The following ADGRA3 variants were observed in gnomAD, a reference collection of about 807,000 sequenced individuals.
ADGRA3 encodes adhesion G protein-coupled receptor A3, also known as G-protein coupled receptor 125.
ADGRA3 carries 56 observed loss-of-function variants against 119.8 expected under a neutral mutation model. That is an observed-to-expected ratio of 0.47 (90% CI 0.38 to 0.58). ADGRA3 has a LOEUF of 0.58. ADGRA3 is among the 20% of genes least tolerant of loss of function. The probability of loss-of-function intolerance (pLI) is 0.00; values close to 1 mark genes in which losing one functional copy is unlikely to be tolerated. For missense variants in ADGRA3, 1,516 were observed against 1,649.0 expected, an observed-to-expected ratio of 0.92 and a Z score of 1.40; for synonymous variants, 607 against 623.8, an observed-to-expected ratio of 0.97 and a Z score of 0.40.
intron 1 of ADGRA3, among the ~76,000 whole-genome samples, chr4:22,514,087 A>C (rs552593647): frequency 2.0e-5 from 3 of 152,170 alleles, no homozygotes; most frequent in Non-Finnish European, 4.4e-5. Flanking sequence ...CCTAAACATG[A>C]GTCAACGTAA....
chr4:22,484,801 G>A (rs536098914), intron 1 of ADGRA3, among the ~76,000 whole-genome samples: 35 of 151,956 alleles, frequency 2.3e-4, no homozygotes, highest in Non-Finnish European at 3.7e-4. Flanking sequence ...TGGCTCCCTC[G>A]CTGAAAAGTT....
At chr4:22,421,713 T>C (rs927997460) in intron 11 of ADGRA3, among the ~76,000 whole-genome samples, 23 of 151,832 alleles carry the variant, frequency 1.5e-4, no homozygotes, top group African/African-American at 5.3e-4. Context: ...GCTCCATCTC[T>C]ACTAAAAATA....
chr4:22,387,745 T>C lies in ADGRA3; in HGVS notation c.3926A>G (p.Asn1309Ser), dbSNP rs144907660. ...GPLLGTDSTG[N>S]VRTGLWKHET... ...GTGTTTCCATAATCCAGTCCTAACA[T>C]TGCCAGTGCTATCGGTACCGAGCAA... is the stretch of plus-strand genomic sequence containing the variant. Residue 1309 changes from asparagine (N) to serine (S), a missense_variant, in exon 19 of 19, where the codon AAT (asparagine) becomes AGT (serine). Transcript: ENST00000334304. 20 of 1,613,374 alleles carry C rather than the reference T, an allele frequency of 1.2e-5. No homozygotes were observed. The highest frequency in any genetic ancestry group is 5.3e-5 in the African/African-American group (4 of 74,906).
chr4:22,492,401 T>C lies in ADGRA3; in HGVS notation c.258-18558A>G, dbSNP rs192164945. Among the ~76,000 whole-genome samples, 32 of 152,328 alleles carry C rather than the reference T, an allele frequency of 2.1e-4. No homozygotes were observed. The East Asian group carries it at 5.6e-3, about 27-fold the overall frequency. On this transcript the variant is annotated intron_variant, in intron 1 of 18. Transcript: ENST00000334304. ...ACCGTTTTCCTTCAATAACCCAATA[T>C]ACATAGATATTGGATATTTTTCATT... is the stretch of plus-strand genomic sequence containing the variant.
chr4:22,455,073 G>A (rs529075816), intron 3 of ADGRA3, 136 bp from the exon 4 acceptor site: 10 of 646,916 alleles, frequency 1.5e-5, no homozygotes, highest in African/African-American at 9.1e-5. Context: ...TTTACTGTAC[G>A]CAAATGAGAT....
chr4:22,451,973 G>A (rs1475545515), intron 4 of ADGRA3, among the ~76,000 whole-genome samples: 1 of 152,086 alleles, frequency 6.6e-6, no homozygotes, highest in East Asian at 1.9e-4. Flanking sequence ...TTCACAACTG[G>A]CATATGGCCT....
In ADGRA3 at chr4:22,516,033, C is replaced by A; in HGVS notation, c.-249G>T. 6.3e-6 allele frequency: 1 copy of A among 158,540 alleles called. No homozygotes were observed. Among genetic ancestry groups the A allele is most frequent in the Non-Finnish European group, 1.4e-5 (1 of 73,512 alleles). The allele number at this position is 158,540 out of a possible 1,614,324, so 9.8% of individuals were successfully genotyped here. Reference sequence around the variant, plus strand: ...TACCGCCCGGCGCGAGCACCGCCTCCTCCTCCTCCTCTGCCGCCGCCGCCG... The same window carrying A: ...TACCGCCCGGCGCGAGCACCGCCTCATCCTCCTCCTCTGCCGCCGCCGCCG... On this transcript the variant is annotated 5_prime_UTR_variant, in exon 1 of 19. The change creates a new upstream start codon in the 5' untranslated region. Transcript: ENST00000334304.
intron 10 of ADGRA3, among the ~76,000 whole-genome samples, chr4:22,431,368 T>C (rs944130242): frequency 3.7e-5 from 4 of 107,236 alleles, no homozygotes; most frequent in Non-Finnish European, 8.6e-5. Flanking sequence ...TGAAAGCACC[T>C]GGGAGGGAGC....
intron 16 of ADGRA3, chr4:22,398,045 C>G: frequency 4.1e-6 from 4 of 982,664 alleles, no homozygotes; most frequent in Non-Finnish European, 4.8e-6. Context: ...ACTGAGAACA[C>G]AGAGGAGCTA....
At chr4:22,454,712 C>T (rs1407118502) in intron 4 of ADGRA3, among the ~76,000 whole-genome samples, 154 bp downstream of exon 4, 6 of 152,060 alleles carry the variant, frequency 3.9e-5, no homozygotes, top group African/African-American at 9.7e-5. Flanking sequence ...GAGGAGATTA[C>T]ATCCCCATGA....
intron 1 of ADGRA3, among the ~76,000 whole-genome samples, chr4:22,488,590 T>C (rs912330457): frequency 6.7e-6 from 1 of 148,252 alleles, no homozygotes; most frequent in Non-Finnish European, 1.5e-5. Context: ...GAGAAAAGCA[T>C]GGCTACTTCG....
chr4:22,493,421 C>T (rs985866028), intron 1 of ADGRA3, among the ~76,000 whole-genome samples: 16 of 152,254 alleles, frequency 1.1e-4, no homozygotes, highest in African/African-American at 3.4e-4. Flanking sequence ...TTGAGTGTGT[C>T]CCTTGCAACA....
chr4:22,441,815 C>G (rs530704924), intron 7 of ADGRA3, among the ~76,000 whole-genome samples: 2 of 152,162 alleles, frequency 1.3e-5, no homozygotes, highest in South Asian at 2.1e-4. Context: ...AAATATGCTT[C>G]TAGTAGACAT....
intron 1 of ADGRA3, among the ~76,000 whole-genome samples, chr4:22,501,671 G>A (rs1164063475): frequency 6.6e-6 from 1 of 151,260 alleles, no homozygotes; most frequent in Admixed American, 6.6e-5. Context: ...CTAAGACTTA[G>A]TATAAAAGGT....
chr4:22,390,193 T>C (rs563329197), intron 17 of ADGRA3, among the ~76,000 whole-genome samples: 1 of 151,594 alleles, frequency 6.6e-6, no homozygotes, highest in African/African-American at 2.4e-5. Context: ...CCAAAATTAA[T>C]CTTGGGTCCT....
At chr4:22,505,214 G>C (rs1400967843) in intron 1 of ADGRA3, among the ~76,000 whole-genome samples, 1 of 152,092 alleles carries the variant, frequency 6.6e-6, no homozygotes, top group Non-Finnish European at 1.5e-5. Context: ...ATTCTAGGTG[G>C]AAAAAAGGTT....
chr4:22,425,623 T>C (rs973100212), intron 10 of ADGRA3, among the ~76,000 whole-genome samples: 2 of 152,172 alleles, frequency 1.3e-5, no homozygotes, highest in East Asian at 1.9e-4. Flanking sequence ...GTAGTAAGCA[T>C]TAAAAGGCGT....
chr4:22,442,869 G>C lies in ADGRA3; in HGVS notation c.707-6C>G. On this transcript the variant is annotated splice_polypyrimidine_tract_variant and splice_region_variant and intron_variant, in intron 6 of 18. Transcript: ENST00000334304. ...CGGCAATTCAAGCGGAGGGTCTAGA[G>C]ACAATCAAACAAAGATTCAGTAAAC... 1 of 1,598,502 alleles carries C rather than the reference G, an allele frequency of 6.3e-7. No individual in the cohort carries two copies. Among genetic ancestry groups the C allele is most frequent in the Non-Finnish European group, 8.6e-7 (1 of 1,167,388 alleles).
At chr4:22,463,824 G>A (rs1717561376) in intron 2 of ADGRA3, among the ~76,000 whole-genome samples, 1 of 152,182 alleles carries the variant, frequency 6.6e-6, no homozygotes, top group African/African-American at 2.4e-5. Flanking sequence ...TTTACCGTAA[G>A]CCCAGCATTT....
Sources: gnomAD v4.1 joint callset for allele counts (sites outside exome capture counted in the v4.1 genomes callset) on GRCh38, gnomAD v4.1.1 for gene constraint, MANE v1.5 for transcripts, NCBI Gene and HGNC (gene_info 2026-07-23, HGNC 2026-07-21) for gene names.